The following RPS6KA5 variants were observed in gnomAD, a reference collection of about 807,000 sequenced individuals.
The protein encoded by RPS6KA5 is ribosomal protein S6 kinase alpha-5.
RPS6KA5 carries 27 observed loss-of-function variants against 85.5 expected under a neutral mutation model. That is an observed-to-expected ratio of 0.32 (90% CI 0.23 to 0.44). RPS6KA5 has a LOEUF of 0.44. Among genes scored for constraint, RPS6KA5 ranks in the 20% least tolerant of loss-of-function variants. RPS6KA5 has a pLI of 1.00. For missense variants in RPS6KA5, 811 were observed against 980.9 expected (o/e 0.83, Z 2.31); for synonymous variants, 334 against 348.2 (o/e 0.96, Z 0.46).
rs2032744699 is a variant in RPS6KA5 at position 90,865,092 on chromosome 14, ATC to A, written c.*6980_*6981del. The stretch of plus-strand genomic sequence containing the variant: ...TTTTTTTGAGACAGGGTCTCACTCT[ATC>A]GCCCAGGATGGAATGTAGTGGTGCG... On this transcript the variant is annotated 3_prime_UTR_variant, in exon 17 of 17. Transcript: ENST00000614987. The A allele has an allele frequency of 6.6e-6, 1 of 152,130 alleles. No individual in the cohort carries two copies. The highest frequency in any genetic ancestry group is 1.5e-5 in the Non-Finnish European group (1 of 68,028). 9.4% of individuals were successfully genotyped at this position (152,130 alleles called of 1,614,324 possible).
chr14:90,939,448 A>G (rs1229682431), intron 5 of RPS6KA5, among the ~76,000 whole-genome samples: 1 of 152,142 alleles, frequency 6.6e-6, no homozygotes, highest in African/African-American at 2.4e-5. Context: ...CGTGGTACCA[A>G]TTTACTGTAT....
chr14:91,017,678 G>A (rs905965822), intron 1 of RPS6KA5, among the ~76,000 whole-genome samples: 3 of 152,164 alleles, frequency 2.0e-5, no homozygotes, highest in African/African-American at 7.2e-5. Flanking sequence ...GGAATCAAGG[G>A]GTGGAAATTT....
rs2031960139 is a variant in RPS6KA5 at position 90,850,688 on chromosome 14, G to A, written c.*21386C>T. On this transcript the variant is annotated 3_prime_UTR_variant, in exon 17 of 17. Coordinates refer to ENST00000614987, the MANE Select transcript of RPS6KA5 (RefSeq NM_004755.4). ...AGGCTGCACAAGCACCTGTTGGTGA[G>A]GTCACCAGGAAGGAATCTGCTTCCG... 1 of 152,230 alleles carries A rather than the reference G, an allele frequency of 6.6e-6. No homozygotes were observed. The highest frequency in any genetic ancestry group is 1.5e-5 in the Non-Finnish European group (1 of 68,054). The allele number at this position is 152,230 out of a possible 1,614,324, so 9.4% of individuals were successfully genotyped here.
At chr14:90,941,336 TGAC>T (rs1217117710) in intron 5 of RPS6KA5, among the ~76,000 whole-genome samples, 6 of 152,214 alleles carry the variant, frequency 3.9e-5, no homozygotes, top group African/African-American at 1.4e-4. Flanking sequence ...GCAAAATTAC[TGAC>T]AACATCTATG....
chr14:90,915,755 G>A (rs566384341), intron 7 of RPS6KA5, among the ~76,000 whole-genome samples: 89 of 151,934 alleles, frequency 5.9e-4, no homozygotes, highest in African/African-American at 1.9e-3. Flanking sequence ...GCAGTGAGCC[G>A]AGATCAGGCC....
chr14:90,884,285 G>C (rs2034048630), intron 14 of RPS6KA5, among the ~76,000 whole-genome samples: 1 of 152,160 alleles, frequency 6.6e-6, no homozygotes, highest in South Asian at 2.1e-4. Flanking sequence ...GCTGCTGTAA[G>C]TTGAGCATCC....
intron 1 of RPS6KA5, among the ~76,000 whole-genome samples, chr14:91,052,866 G>C (rs1196402369): frequency 1.3e-5 from 2 of 150,106 alleles, no homozygotes; most frequent in Non-Finnish European, 3.0e-5. Flanking sequence ...CTCTTTAGTT[G>C]GTGACAGAAC....
At chr14:91,015,735 C>G (rs1329298049) in intron 1 of RPS6KA5, among the ~76,000 whole-genome samples, 1 of 152,192 alleles carries the variant, frequency 6.6e-6, no homozygotes, top group Admixed American at 6.5e-5. Context: ...AGCCTTACAT[C>G]AAATAACAGT....
intron 1 of RPS6KA5, among the ~76,000 whole-genome samples, chr14:91,054,715 C>T (rs1336723283): frequency 1.3e-5 from 2 of 151,688 alleles, no homozygotes; most frequent in Admixed American, 1.3e-4. Context: ...CTTTGGGAGG[C>T]CGAGGAGGGA....
Position 90,900,260 on chromosome 14 carries a change from C to A in RPS6KA5, c.1246-19G>T, listed in dbSNP as rs778306235. ...GAGAGTCCTGTCAAGAAATCAACAT[C>A]ATTTAACTTCAGAAAATGTCAGTAA... On this transcript the variant is annotated intron_variant, in intron 10 of 16. Coordinates refer to ENST00000614987, the MANE Select transcript of RPS6KA5 (RefSeq NM_004755.4). The A allele has an allele frequency of 3.3e-6, 5 of 1,515,574 alleles. No individual in the cohort carries two copies. Among genetic ancestry groups the A allele is most frequent in the Non-Finnish European group, 4.4e-6 (5 of 1,131,250 alleles). 93.9% of individuals were successfully genotyped at this position (1,515,574 alleles called of 1,614,324 possible). A position where few individuals can be genotyped will look rare whatever the true frequency, so the allele number is the denominator to read the frequency against.
intron 12 of RPS6KA5, among the ~76,000 whole-genome samples, chr14:90,896,721 T>C (rs1156584813): frequency 6.6e-6 from 1 of 152,058 alleles, no homozygotes; most frequent in Non-Finnish European, 1.5e-5. Flanking sequence ...TTTTTCTTTT[T>C]TGTTTTCTTA....
At chr14:90,999,778 A>G (rs1209234112) in intron 2 of RPS6KA5, among the ~76,000 whole-genome samples, 1 of 152,214 alleles carries the variant, frequency 6.6e-6, no homozygotes, top group East Asian at 1.9e-4. Context: ...GCTCTTCTAC[A>G]TGCAGGGATC....
intron 12 of RPS6KA5, 34 bp from the exon 13 acceptor site, chr14:90,894,617 C>T: frequency 6.2e-7 from 1 of 1,604,288 alleles, no homozygotes; most frequent in East Asian, 2.2e-5. Flanking sequence ...GGAGGGCCTT[C>T]CTGAAGCACA....
chr14:90,934,823 A>T (rs910820035), intron 5 of RPS6KA5, among the ~76,000 whole-genome samples: 1 of 152,160 alleles, frequency 6.6e-6, no homozygotes, highest in South Asian at 2.1e-4. Flanking sequence ...GGGGGAAAAA[A>T]ATCTCACTAA....
chr14:90,938,797 G>A (rs549770126), intron 5 of RPS6KA5, among the ~76,000 whole-genome samples: 6 of 152,152 alleles, frequency 3.9e-5, no homozygotes, highest in African/African-American at 7.2e-5. Context: ...CCCTGTGCCC[G>A]GCCCAGAAAA....
intron 14 of RPS6KA5, among the ~76,000 whole-genome samples, chr14:90,887,119 G>A (rs1190474523): frequency 6.6e-6 from 1 of 152,024 alleles, no homozygotes; most frequent in East Asian, 1.9e-4. Context: ...TTTTCGGATA[G>A]TTTAATGAAG....
chr14:90,980,483 G>A (rs757847100), intron 2 of RPS6KA5, among the ~76,000 whole-genome samples: 6 of 152,208 alleles, frequency 3.9e-5, no homozygotes, highest in Non-Finnish European at 7.3e-5. Context: ...TTGACCATGT[G>A]ACACACAGGC....
chr14:90,906,943 C>A, intron 7 of RPS6KA5, among the ~76,000 whole-genome samples: 1 of 152,226 alleles, frequency 6.6e-6, no homozygotes, highest in Admixed American at 6.5e-5. Flanking sequence ...CCCTATGAGG[C>A]AGGTAGAGCT....
At chr14:90,908,757 G>GGTCAGGTGC (rs1290168417) in intron 7 of RPS6KA5, among the ~76,000 whole-genome samples, 20 of 152,316 alleles carry the variant, frequency 1.3e-4, no homozygotes, top group Admixed American at 3.9e-4. Flanking sequence ...GTGGCAGGTG[G>GGTCAGGTGC]GTCAGGTGCT....
Sources: allele counts gnomAD v4.1 joint callset (sites outside exome capture counted in the v4.1 genomes callset), GRCh38; gene constraint gnomAD v4.1.1; transcripts MANE v1.5; gene names NCBI Gene and HGNC (gene_info 2026-07-23, HGNC 2026-07-21).